Variants in CSF1R observed in about 807,000 individuals in gnomAD.
The protein encoded by CSF1R is macrophage colony-stimulating factor 1 receptor.
Under a neutral mutation model 110.0 loss-of-function variants are expected in CSF1R, and 40 were observed. The ratio of observed to expected loss-of-function variants is 0.36; its 90% CI spans 0.28 to 0.47. The LOEUF (loss-of-function observed/expected upper bound fraction) is 0.47, where lower values mean the gene tolerates loss of function less well. CSF1R is among the 20% of genes least tolerant of loss of function. The pLI, the probability that CSF1R is intolerant of heterozygous loss-of-function variation, is 0.99. For missense variants in CSF1R, 1,052 were observed against 1,253.0 expected, an observed-to-expected ratio of 0.84 and a Z score of 2.42; for synonymous variants, 523 against 503.4, an observed-to-expected ratio of 1.04 and a Z score of -0.52.
intron 10 of CSF1R, among the ~76,000 whole-genome samples, chr5:150,064,139 C>T (rs548324000): frequency 1.3e-5 from 2 of 152,234 alleles, no homozygotes; most frequent in South Asian, 2.1e-4. Flanking sequence ...CCAACAGACA[C>T]TGGGGGCTAC....
chr5:150,076,633 T>G (rs1442509661), intron 5 of CSF1R, among the ~76,000 whole-genome samples: 2 of 152,168 alleles, frequency 1.3e-5, no homozygotes, highest in Non-Finnish European at 1.5e-5. Flanking sequence ...CACCTTTACC[T>G]CCGGCTTCTG....
At chr5:150,058,751 G>A (rs1156302164) in intron 14 of CSF1R, among the ~76,000 whole-genome samples, 1 of 151,784 alleles carries the variant, frequency 6.6e-6, no homozygotes, top group East Asian at 1.9e-4. Context: ...CTCCCCAGGC[G>A]TGGCAGCTGA....
intron 5 of CSF1R, 104 bp from the exon 6 acceptor site, chr5:150,073,597 T>A: frequency 8.3e-7 from 1 of 1,201,114 alleles, no homozygotes; most frequent in Non-Finnish European, 1.2e-6. Flanking sequence ...AGCAGCTATG[T>A]CACAGGTACA....
chr5:150,097,320 G>GGGAAGC (rs1329195433), intron 1 of CSF1R, among the ~76,000 whole-genome samples: 1 of 149,490 alleles, frequency 6.7e-6, no homozygotes, highest in East Asian at 2.0e-4. Context: ...AAAGGGGAAG[G>GGGAAGC]GGAAGGAGAA....
intron 1 of CSF1R, among the ~76,000 whole-genome samples, chr5:150,102,598 G>T (rs948289756): frequency 1.3e-5 from 2 of 152,132 alleles, no homozygotes; most frequent in Non-Finnish European, 2.9e-5. Context: ...TCCTGCCTCA[G>T]CCTCCCGAGT....
chr5:150,067,159 C>T (rs1757809976), intron 10 of CSF1R: 1 of 151,976 alleles, frequency 6.6e-6, no homozygotes, highest in Non-Finnish European at 1.5e-5. Flanking sequence ...GGACAGAAGC[C>T]CCTGGGGCCC....
At chr5:150,098,147 A>T (rs1048973469) in intron 1 of CSF1R, among the ~76,000 whole-genome samples, 1 of 152,204 alleles carries the variant, frequency 6.6e-6, no homozygotes, top group Non-Finnish European at 1.5e-5. Flanking sequence ...AAGAATAGGC[A>T]TTCCAAAAAG....
intron 1 of CSF1R, among the ~76,000 whole-genome samples, chr5:150,107,713 G>A (rs1462852317): frequency 6.6e-6 from 1 of 152,258 alleles, no homozygotes; most frequent in Non-Finnish European, 1.5e-5. Flanking sequence ...AGGCTTTGGA[G>A]CCAGATAGAC....
intron 13 of CSF1R, among the ~76,000 whole-genome samples, 186 bp downstream of exon 13, chr5:150,060,676 G>A (rs1757466871): frequency 6.6e-6 from 1 of 152,190 alleles, no homozygotes; most frequent in South Asian, 2.1e-4. Flanking sequence ...ACCTCAAGCT[G>A]CCCGTGCAGC....
intron 10 of CSF1R, among the ~76,000 whole-genome samples, chr5:150,066,653 C>T (rs774087542): frequency 1.3e-5 from 2 of 152,202 alleles, no homozygotes; most frequent in Non-Finnish European, 2.9e-5. Flanking sequence ...GTAGAGATCC[C>T]GATCCATGTG....
At position 150,078,239 on chromosome 5, in the gene CSF1R, C is replaced by G. The variant is rs759685769; in HGVS notation, c.602G>C (p.Gly201Ala). ...IRLKVQKVIP[G>A]PPALTLVPAE... ...AGGCACCAGTGTCAAGGCTGGGGGC[C>G]CTGGGATGACTGAGACCGGGGGAGA... is the stretch of plus-strand genomic sequence containing the variant. Residue 201 changes from glycine to alanine, a missense_variant, in exon 4 of 21, where the codon GGG (glycine) becomes GCG (alanine). Gly to Ala is a moderately conservative substitution (Grantham distance 60). Coordinates refer to ENST00000675795, the MANE Select transcript of CSF1R (RefSeq NM_001288705.3). 4 of 1,614,060 alleles carry G rather than the reference C, an allele frequency of 2.5e-6. No homozygotes were observed. The South Asian group carries it at 4.4e-5, about 18-fold the overall frequency.
intron 1 of CSF1R, among the ~76,000 whole-genome samples, chr5:150,113,031 G>A (rs1251088122): frequency 6.6e-6 from 1 of 152,178 alleles, no homozygotes; most frequent in Admixed American, 6.5e-5. Flanking sequence ...GGCCCAGGTG[G>A]GAGGGCCCTA....
At chr5:150,073,898 G>T (rs1246203722) in intron 5 of CSF1R, among the ~76,000 whole-genome samples, 1 of 152,204 alleles carries the variant, frequency 6.6e-6, no homozygotes, top group African/African-American at 2.4e-5. Flanking sequence ...AGTCAATGCG[G>T]CTTCCAAATA....
At chr5:150,069,398 A>G (rs1314408163) in intron 9 of CSF1R, among the ~76,000 whole-genome samples, 1 of 152,176 alleles carries the variant, frequency 6.6e-6, no homozygotes, top group Non-Finnish European at 1.5e-5. Flanking sequence ...CCTCAAATGG[A>G]TAGACTGTGT....
chr5:150,101,370 G>A (rs969009148), intron 1 of CSF1R, among the ~76,000 whole-genome samples: 9 of 152,222 alleles, frequency 5.9e-5, no homozygotes, highest in Admixed American at 3.3e-4. Flanking sequence ...GCTGAATACT[G>A]TAGATGAGAG....
At chr5:150,081,401 C>T (rs2113834434) in intron 1 of CSF1R, among the ~76,000 whole-genome samples, 1 of 152,252 alleles carries the variant, frequency 6.6e-6, no homozygotes, top group East Asian at 1.9e-4. Context: ...GTATTTCTAC[C>T]ACCGAATGAA....
At chr5:150,106,689 A>G (rs1051533176) in intron 1 of CSF1R, among the ~76,000 whole-genome samples, 3 of 152,142 alleles carry the variant, frequency 2.0e-5, no homozygotes, top group Admixed American at 2.0e-4. Context: ...ACCCTGTAGC[A>G]GGGCTTACAG....
Position 150,091,938 on chromosome 5 carries a change from C to T in CSF1R, c.-180-5331G>A, listed in dbSNP as rs1561954904. On this transcript the variant is annotated intron_variant, in intron 1 of 21. Coordinates refer to the CSF1R transcript ENST00000286301. Reference sequence around the variant, plus strand: ...GATACCAGCTAGAAAGTTGGATATACATTAAAAAATAAAAAGTGCTGGAAA... The same window carrying T: ...GATACCAGCTAGAAAGTTGGATATATATTAAAAAATAAAAAGTGCTGGAAA... 2.9e-5 allele frequency among the ~76,000 whole-genome samples: 4 copies of T among 137,834 alleles called. No homozygotes were observed. In the East Asian group the frequency reaches 8.7e-4, roughly 30 times the overall value. 90.4% of individuals were successfully genotyped at this position (137,834 alleles called of 152,430 possible).
intron 1 of CSF1R, among the ~76,000 whole-genome samples, chr5:150,100,002 A>G (rs768906635): frequency 2.0e-5 from 3 of 152,210 alleles, no homozygotes; most frequent in Non-Finnish European, 4.4e-5. Context: ...AAGATAGTTA[A>G]GACAGTTTGA....
Sources: gnomAD v4.1 joint callset for allele counts (sites outside exome capture counted in the v4.1 genomes callset) on GRCh38, gnomAD v4.1.1 for gene constraint, MANE v1.5 for transcripts, NCBI Gene and HGNC (gene_info 2026-07-23, HGNC 2026-07-21) for gene names.